The following LRP1B variants were observed in gnomAD, a reference collection of about 807,000 sequenced individuals.
The protein encoded by LRP1B is low-density lipoprotein receptor-related protein 1B.
LRP1B carries 217 observed loss-of-function variants against 556.6 expected under a neutral mutation model. That is an observed-to-expected ratio of 0.39 (90% CI 0.35 to 0.44). The LOEUF is 0.44. Ranked by LOEUF, LRP1B falls within the 20% of genes least tolerant of loss-of-function variation. The pLI is 1.00. For missense variants in LRP1B, 5,053 were observed against 5,620.8 expected (o/e 0.90, Z 3.23); for synonymous variants, 2,047 against 1,865.8 (o/e 1.10, Z -2.50).
intron 7 of LRP1B, among the ~76,000 whole-genome samples, chr2:141,124,241 TTA>T (rs1701140588): frequency 6.6e-6 from 1 of 152,146 alleles, no homozygotes; most frequent in Non-Finnish European, 1.5e-5. Context: ...TTTGCATAGT[TTA>T]TGTGTTTGAC....
chr2:141,327,875 TGAGA>T (rs757095809), intron 3 of LRP1B, among the ~76,000 whole-genome samples: 112 of 90,672 alleles, frequency 1.2e-3, no homozygotes, highest in Admixed American at 5.1e-3. Flanking sequence ...AGATAAAGAG[TGAGA>T]GAGAGAGAGA....
chr2:141,209,888 G>C (rs1343898942), intron 6 of LRP1B, among the ~76,000 whole-genome samples: 2 of 152,140 alleles, frequency 1.3e-5, no homozygotes, highest in Non-Finnish European at 2.9e-5. Flanking sequence ...AGTATGTTTA[G>C]AGCTGAGATT....
rs779185635 is a variant in LRP1B, at chr2:140,851,603, G to A, written c.4711+49C>T. ...AAATCTGAATGCTAATATAATTTGA[G>A]AGAATTCAATTTTGTTTTTATTTTC... On this transcript the variant is annotated intron_variant, in intron 28 of 90. Transcript: ENST00000389484. 17 of 1,577,546 alleles carry A rather than the reference G, an allele frequency of 1.1e-5. No homozygotes were observed. In the South Asian group the frequency reaches 1.8e-4, roughly 16 times the overall value.
rs371869246 is a variant in LRP1B at position 141,058,918 on chromosome 2, C to G, written c.1373G>C (p.Gly458Ala). ...AGTTCTTTTTTGATAAATTCGGATT[C>G]CCCAAGCATTCTCAATTTTAATTAA... Reference protein sequence around the residue: ...HSLIKIENAWGIRIYQKRTQP... With the variant: ...HSLIKIENAWAIRIYQKRTQP... Residue 458 changes from glycine (G) to alanine (A), a missense_variant, in exon 9 of 91, where the codon GGA becomes GCA. Gly to Ala is a moderately conservative substitution (Grantham distance 60). Around this residue, in one of 5 missense-constraint regions of LRP1B, gnomAD observed 3,619 missense variants for 3,931.9 expected, o/e 0.92. Transcript: ENST00000389484. 304 of 1,597,374 alleles carry G rather than the reference C, an allele frequency of 1.9e-4. No homozygotes were observed. Among genetic ancestry groups the G allele is most frequent in the Non-Finnish European group, 2.5e-4 (290 of 1,173,254 alleles).
chr2:141,491,002 C>A (rs1393439128), intron 2 of LRP1B, among the ~76,000 whole-genome samples: 1 of 147,220 alleles, frequency 6.8e-6, no homozygotes, highest in African/African-American at 2.6e-5. Context: ...ATACTAGGTT[C>A]TTTCATGGGT....
intron 2 of LRP1B, among the ~76,000 whole-genome samples, chr2:141,520,945 CT>C (rs199827715): frequency 2.0e-5 from 3 of 151,914 alleles, no homozygotes; most frequent in African/African-American, 4.8e-5. Context: ...TTTCTCCTTA[CT>C]TTTTTTGGTC....
intron 21 of LRP1B, among the ~76,000 whole-genome samples, chr2:140,919,670 T>C (rs1694680630): frequency 6.6e-6 from 1 of 152,064 alleles, no homozygotes; most frequent in Non-Finnish European, 1.5e-5. Flanking sequence ...AGCACACCAC[T>C]TGATACTGTG....
intron 5 of LRP1B, among the ~76,000 whole-genome samples, chr2:141,232,712 A>G: frequency 6.6e-6 from 1 of 152,290 alleles, no homozygotes; most frequent in Non-Finnish European, 1.5e-5. Context: ...ACAGGGTTTG[A>G]TTTAATAATG....
intron 41 of LRP1B, among the ~76,000 whole-genome samples, chr2:140,609,625 G>A (rs1229918482): frequency 1.3e-5 from 2 of 152,144 alleles, no homozygotes; most frequent in Non-Finnish European, 1.5e-5. Flanking sequence ...CAGTTACTCA[G>A]ACTGGAAGCC....
chr2:140,794,554 G>A (rs1690235709), intron 32 of LRP1B, among the ~76,000 whole-genome samples: 1 of 150,632 alleles, frequency 6.6e-6, no homozygotes, highest in Non-Finnish European at 1.5e-5. Context: ...AATTTCCAAA[G>A]CATAGAATAT....
At chr2:141,070,550 A>G (rs901965449) in intron 7 of LRP1B, among the ~76,000 whole-genome samples, 6 of 152,262 alleles carry the variant, frequency 3.9e-5, no homozygotes, top group African/African-American at 1.4e-4. Flanking sequence ...CCTTCAAAAA[A>G]TTAATGAATC....
At chr2:141,690,437 A>ATATATATG (rs1691482274) in intron 2 of LRP1B, among the ~76,000 whole-genome samples, 1 of 136,078 alleles carries the variant, frequency 7.3e-6, no homozygotes, top group Non-Finnish European at 1.6e-5. Flanking sequence ...ATATATATAT[A>ATATATATG]TATAATTACA....
At chr2:142,046,214 G>C (rs566989218) in intron 1 of LRP1B, among the ~76,000 whole-genome samples, 1 of 151,826 alleles carries the variant, frequency 6.6e-6, no homozygotes, top group Non-Finnish European at 1.5e-5. Flanking sequence ...GGGTTGGGGG[G>C]CAGTTTCTAT....
At chr2:140,678,821 G>A (rs1366080278) in intron 41 of LRP1B, among the ~76,000 whole-genome samples, 2 of 145,088 alleles carry the variant, frequency 1.4e-5, no homozygotes, top group South Asian at 2.2e-4. Context: ...TCTGTCGCCC[G>A]GGCTGGAGTG....
chr2:142,044,758 A>C (rs1332072269), intron 1 of LRP1B, among the ~76,000 whole-genome samples: 1 of 148,386 alleles, frequency 6.7e-6, no homozygotes, highest in Non-Finnish European at 1.5e-5. Context: ...ATACAGAAGC[A>C]CTCTGATACA....
At chr2:141,484,634 T>C (rs1403492740) in intron 2 of LRP1B, among the ~76,000 whole-genome samples, 1 of 152,112 alleles carries the variant, frequency 6.6e-6, no homozygotes, top group African/African-American at 2.4e-5. Context: ...CCTCTTTTAT[T>C]TCATTGAGCA....
chr2:140,254,855 C>A (rs1276678280), intron 86 of LRP1B, among the ~76,000 whole-genome samples: 1 of 152,052 alleles, frequency 6.6e-6, no homozygotes, highest in Non-Finnish European at 1.5e-5. Context: ...CCGTGCCTGG[C>A]CCCAAGATTT....
intron 1 of LRP1B, 131 bp from the exon 2 acceptor site, chr2:141,810,532 A>G (rs894817435): frequency 3.2e-6 from 3 of 936,532 alleles, no homozygotes; most frequent in Non-Finnish European, 4.8e-6. Context: ...TCTGTTCGGC[A>G]GCAAAGACAA....
At chr2:141,082,359 A>AG (rs74482147) in intron 7 of LRP1B, among the ~76,000 whole-genome samples, 129,022 of 152,126 alleles carry the variant, frequency 0.85, 55,062 homozygotes, top group Non-Finnish European at 0.89. Flanking sequence ...TGATTTGGAT[A>AG]AAAGCTGGGC....
Sources: gnomAD v4.1 joint callset for allele counts (sites outside exome capture counted in the v4.1 genomes callset) on GRCh38, gnomAD v4.1.1 for gene constraint, gnomAD v4.1.1 regional missense constraint, MANE v1.5 for transcripts, NCBI Gene and HGNC (gene_info 2026-07-23, HGNC 2026-07-21) for gene names.